Variants in UBASH3A observed in about 807,000 individuals in gnomAD.
UBASH3A encodes the protein ubiquitin associated and SH3 domain containing A, also known as ubiquitin-associated and SH3 domain-containing protein A.
Under a neutral mutation model 73.5 loss-of-function variants are expected in UBASH3A, and 63 were observed. The observed-to-expected ratio is 0.86, with a 90% CI of 0.70 to 1.06. UBASH3A has a LOEUF of 1.06. Ranked by LOEUF, UBASH3A falls within the 50% of genes least tolerant of loss-of-function variation. UBASH3A has a pLI of 0.00. For synonymous variants in UBASH3A, 363 were observed against 351.1 expected (o/e 1.03, Z -0.38); for missense variants, 860 against 859.0 (o/e 1.00, Z -0.02).
At position 42,434,890 on chromosome 21, in the gene UBASH3A, G is replaced by T. The variant is rs754979333; in HGVS notation, c.1329G>T (p.Gly443=). The part of the protein sequence containing the change: ...FPCSLPRRSR[G]IKDFENDPPL... ...GCAGTCTGCCAAGACGGAGTCGTGG[G>T]ATCAAAGACTTTGAAAACGATCCCC... Residue 443 remains glycine (G), a synonymous_variant, in exon 10 of 15, where the codon GGG becomes GGT. Coordinates refer to ENST00000319294, the MANE Select transcript of UBASH3A (RefSeq NM_018961.4). The T allele has an allele frequency of 3.7e-6, 6 of 1,614,214 alleles. No homozygotes were observed. The South Asian group carries it at 5.5e-5, about 15-fold the overall frequency.
chr21:42,435,005 A>AT, intron 10 of UBASH3A, 51 bp downstream of exon 10: 2 of 1,603,058 alleles, frequency 1.2e-6, no homozygotes, highest in Non-Finnish European at 1.7e-6. Flanking sequence ...AGCAACACTG[A>AT]TTATGGCTAG....
chr21:42,405,937 G>T (rs1451360515), intron 1 of UBASH3A, among the ~76,000 whole-genome samples: 1 of 142,544 alleles, frequency 7.0e-6, no homozygotes, highest in Non-Finnish European at 1.5e-5. Context: ...GCGTGTGTCC[G>T]AGCCAGGGGC....
chr21:42,414,671 G>A (rs147013613), intron 5 of UBASH3A, among the ~76,000 whole-genome samples: 5 of 152,290 alleles, frequency 3.3e-5, no homozygotes, highest in Admixed American at 6.5e-5. Context: ...GGCAGAGACT[G>A]GAGTGATGTA....
chr21:42,441,507 T>TTG (rs1473698284), intron 11 of UBASH3A, among the ~76,000 whole-genome samples: 5 of 95,842 alleles, frequency 5.2e-5, no homozygotes, highest in Admixed American at 1.2e-4. Flanking sequence ...GCCTGGTTGA[T>TTG]GAAGGAGGAC....
rs184240239 is a variant in UBASH3A, at chr21:42,440,656, G to T, written c.1487-1796G>T. Among the ~76,000 whole-genome samples, 383 of 152,342 alleles carry T rather than the reference G, an allele frequency of 2.5e-3. 1 individual carries two copies. The highest frequency in any genetic ancestry group is 4.8e-3 in the Non-Finnish European group (325 of 68,030). Reference sequence around the variant, plus strand: ...CTGGCCGCCCACTAGCAGGCCGTGCGAGAGTCCCCAGGTCGCCTGTGCCTG... The same window carrying T: ...CTGGCCGCCCACTAGCAGGCCGTGCTAGAGTCCCCAGGTCGCCTGTGCCTG... On this transcript the variant is annotated intron_variant, in intron 11 of 14. Coordinates refer to ENST00000319294, the MANE Select transcript of UBASH3A (RefSeq NM_018961.4).
chr21:42,416,857 C>T (rs2053222784), intron 6 of UBASH3A, among the ~76,000 whole-genome samples: 2 of 151,976 alleles, frequency 1.3e-5, no homozygotes, highest in South Asian at 2.1e-4. Flanking sequence ...GGAGTGAACC[C>T]GGGAGGCGGA....
chr21:42,425,779 T>TGAGAATGTGGG (rs2053424614), intron 7 of UBASH3A, among the ~76,000 whole-genome samples: 1 of 151,944 alleles, frequency 6.6e-6, no homozygotes, highest in South Asian at 2.1e-4. Flanking sequence ...GCTGGTTTTA[T>TGAGAATGTGGG]GAGAATGTGG....
In UBASH3A at chr21:42,406,299, C is replaced by A; in HGVS notation, c.114-9C>A. ...ACGTGACTTTGTGTCTGTGTCTGCTCTTCTGCAGGCTGAAAGCGTTGGCAG... is the reference window on the plus strand; with the variant it reads ...ACGTGACTTTGTGTCTGTGTCTGCTATTCTGCAGGCTGAAAGCGTTGGCAG... On this transcript the variant is annotated splice_polypyrimidine_tract_variant and intron_variant, in intron 1 of 14. Coordinates refer to ENST00000319294, the MANE Select transcript of UBASH3A (RefSeq NM_018961.4). 5 of 1,613,704 alleles carry A rather than the reference C, an allele frequency of 3.1e-6. No homozygotes were observed. The highest frequency in any genetic ancestry group is 2.2e-5 in the East Asian group (1 of 44,876).
intron 1 of UBASH3A, among the ~76,000 whole-genome samples, chr21:42,405,989 G>T (rs969264073): frequency 6.0e-5 from 9 of 149,436 alleles, no homozygotes; most frequent in East Asian, 5.9e-4. Flanking sequence ...GCAGTGGGGG[G>T]GGGGGGGGCA....
intron 5 of UBASH3A, among the ~76,000 whole-genome samples, chr21:42,416,189 C>T (rs1052156847): frequency 5.3e-5 from 8 of 152,180 alleles, no homozygotes; most frequent in Non-Finnish European, 7.3e-5. Flanking sequence ...CTGAATCGTG[C>T]ATTCGGGCAG....
chr21:42,434,835 A>G lies in UBASH3A; in HGVS notation c.1274A>G (p.Lys425Arg). ...WLQQCSTPDG[K>R]YYRPDLNFPC... ...CTGATGCTTATTTATACTTCAGGGA[A>G]ATACTACAGGCCAGACCTGAATTTC... The change falls in exon 10 of 15, where the codon AAA becomes AGA. Residue 425 changes from lysine to arginine, a missense_variant. Transcript: ENST00000319294. 2 of 1,613,134 alleles carry G rather than the reference A, an allele frequency of 1.2e-6. No homozygotes were observed. The highest frequency in any genetic ancestry group is 1.7e-6 in the Non-Finnish European group (2 of 1,179,590).
At chr21:42,440,745 T>G (rs2053726198) in intron 11 of UBASH3A, among the ~76,000 whole-genome samples, 1 of 152,108 alleles carries the variant, frequency 6.6e-6, no homozygotes, top group Non-Finnish European at 1.5e-5. Context: ...CAAGTTTCCC[T>G]TCTAGTGAAA....
chr21:42,420,177 C>A (rs112810224), intron 7 of UBASH3A, among the ~76,000 whole-genome samples: 2,613 of 152,140 alleles, frequency 0.017, 80 homozygotes, highest in African/African-American at 0.059. Flanking sequence ...GATTGGTTCC[C>A]GGACCCCCAC....
intron 1 of UBASH3A, among the ~76,000 whole-genome samples, chr21:42,404,367 T>C (rs756856934): frequency 4.7e-5 from 7 of 148,584 alleles, no homozygotes; most frequent in Non-Finnish European, 9.1e-5. Flanking sequence ...TGGTAAACTT[T>C]CTTAAAATAT....
chr21:42,418,341 CT>C, intron 6 of UBASH3A, 59 bp from the exon 7 acceptor site: 1 of 1,513,654 alleles, frequency 6.6e-7, no homozygotes, highest in Non-Finnish European at 9.1e-7. Flanking sequence ...CCTCCTATTG[CT>C]GCCATTTTCC....
At chr21:42,404,815 C>T (rs113876354) in intron 1 of UBASH3A, among the ~76,000 whole-genome samples, 10,137 of 152,148 alleles carry the variant, frequency 0.067, 465 homozygotes, top group Middle Eastern at 0.13. Flanking sequence ...ACAGTGTGAG[C>T]GCGACCCTGC....
intron 8 of UBASH3A, among the ~76,000 whole-genome samples, chr21:42,427,379 A>G (rs17114884): frequency 0.035 from 5,266 of 152,248 alleles, 104 homozygotes; most frequent in Non-Finnish European, 0.04. Flanking sequence ...CACACTCCTT[A>G]CAGAGGAGCC....
At chr21:42,404,843 C>T (rs960475862) in intron 1 of UBASH3A, among the ~76,000 whole-genome samples, 3 of 152,158 alleles carry the variant, frequency 2.0e-5, no homozygotes, top group Admixed American at 2.0e-4. Flanking sequence ...AGGGAAAGGC[C>T]TGCATGTGGA....
At position 42,413,581 on chromosome 21, in the gene UBASH3A, C is replaced by T; in HGVS notation, c.667+58C>T. The T allele has an allele frequency of 7.8e-7, 1 of 1,286,090 alleles. No individual in the cohort carries two copies. The highest frequency in any genetic ancestry group is 1.1e-6 in the Non-Finnish European group (1 of 902,048). 79.7% of individuals were successfully genotyped at this position (1,286,090 alleles called of 1,614,324 possible). On this transcript the variant is annotated intron_variant, in intron 5 of 14. Transcript: ENST00000319294. The surrounding 1 kb of genome is among the most constrained non-coding windows in gnomAD (Gnocchi z 4.5). ...GGTCTTCTCTTTAGGCGGGAATAGC[C>T]TTGTTCTCATTATGTGGTTTTTAAA...
Sources: allele counts gnomAD v4.1 joint callset (sites outside exome capture counted in the v4.1 genomes callset), GRCh38; gene constraint gnomAD v4.1.1; non-coding constraint Gnocchi (gnomAD v3.1); transcripts MANE v1.5; gene names NCBI Gene and HGNC (gene_info 2026-07-23, HGNC 2026-07-21).